The following RIT2 variants were observed in gnomAD, a reference collection of about 807,000 sequenced individuals.
The protein encoded by RIT2 is Ras like without CAAX 2, also known as GTP-binding protein Rit2.
In RIT2, 24 loss-of-function variants were observed where a neutral mutation model predicts 23.7. The ratio of observed to expected loss-of-function variants is 1.01; its 90% confidence interval spans 0.73 to 1.43. The LOEUF is 1.43. Among genes scored for constraint, RIT2 ranks in the 40% most tolerant of loss-of-function variants. The pLI is 0.00. For missense variants in RIT2, 236 were observed against 266.9 expected (o/e 0.88, Z 0.81); for synonymous variants, 107 against 91.1 (o/e 1.17, Z -0.99).
chr18:42,912,948 C>T (rs1188155484), intron 4 of RIT2, among the ~76,000 whole-genome samples: 1 of 151,410 alleles, frequency 6.6e-6, no homozygotes, highest in East Asian at 1.9e-4. Context: ...TTAAAATAGC[C>T]AAAATTGTTT....
intron 4 of RIT2, among the ~76,000 whole-genome samples, chr18:42,880,288 T>C (rs1315181224): frequency 6.6e-6 from 1 of 152,180 alleles, no homozygotes; most frequent in African/African-American, 2.4e-5. Flanking sequence ...AGAGCATAAA[T>C]CAATTTCTTT....
chr18:43,049,561 A>G (rs1912328150), intron 1 of RIT2, among the ~76,000 whole-genome samples: 1 of 152,150 alleles, frequency 6.6e-6, no homozygotes, highest in African/African-American at 2.4e-5. Context: ...AGGTAATTAC[A>G]TCATTGTGCA....
At chr18:42,842,473 G>A (rs562178512) in intron 4 of RIT2, among the ~76,000 whole-genome samples, 71 of 152,138 alleles carry the variant, frequency 4.7e-4, no homozygotes, top group African/African-American at 1.6e-3. Context: ...ATTTTTCTCA[G>A]TATAAGAAAG....
At chr18:43,043,240 C>T (rs1347591376) in intron 1 of RIT2, among the ~76,000 whole-genome samples, 2 of 152,060 alleles carry the variant, frequency 1.3e-5, no homozygotes, top group Non-Finnish European at 2.9e-5. Flanking sequence ...GAGAGCCATG[C>T]AGTAACTTGG....
chr18:42,907,433 G>C (rs552748819), intron 4 of RIT2, among the ~76,000 whole-genome samples: 1 of 152,238 alleles, frequency 6.6e-6, no homozygotes, highest in Non-Finnish European at 1.5e-5. Context: ...TGAAGGGGTT[G>C]AGCACAATGA....
chr18:42,856,018 ATTTGAC>A lies in RIT2; in HGVS notation c.426+67548_426+67553del, dbSNP rs368057866. ...AGCAGCCTCAGAAGTAAAAGTTTTT[ATTTGAC>A]TTTCTTCTGCCCTCCTGTTTCTCAG... On this transcript the variant is annotated intron_variant, in intron 4 of 4. Transcript: ENST00000326695. Among the ~76,000 whole-genome samples the A allele has an allele frequency of 2.7e-3, 414 of 152,268 alleles. 2 individuals are homozygous for A. The highest frequency in any genetic ancestry group is 9.1e-3 in the African/African-American group (378 of 41,556).
At position 43,107,038 on chromosome 18, in the gene RIT2, G is replaced by A. The variant is rs112879159; in HGVS notation, c.103+8379C>T. 5.3e-3 allele frequency among the ~76,000 whole-genome samples: 805 copies of A among 152,256 alleles called. 9 individuals are homozygous for A. Among genetic ancestry groups the A allele is most frequent in the African/African-American group, 0.018 (766 of 41,534 alleles). On this transcript the variant is annotated intron_variant, in intron 1 of 4. Coordinates refer to ENST00000326695, the MANE Select transcript of RIT2 (RefSeq NM_002930.4). ...TCTGTGAGCAGTACAGAGGACCACC[G>A]TCTGTCAATGTGTACAGTCGCAATC...
At chr18:42,781,404 C>T (rs1003291994) in intron 4 of RIT2, among the ~76,000 whole-genome samples, 2 of 152,128 alleles carry the variant, frequency 1.3e-5, no homozygotes, top group African/African-American at 4.8e-5. Context: ...GAAATTGGTG[C>T]TTTCTCTCAA....
At chr18:42,972,151 A>G (rs781498792) in intron 3 of RIT2, among the ~76,000 whole-genome samples, 9 of 151,900 alleles carry the variant, frequency 5.9e-5, no homozygotes, top group Non-Finnish European at 1.2e-4. Flanking sequence ...TAACCTACTC[A>G]ATGTTCTTCC....
At chr18:42,983,276 T>A (rs1179764187) in intron 2 of RIT2, among the ~76,000 whole-genome samples, 2 of 152,060 alleles carry the variant, frequency 1.3e-5, no homozygotes, top group Non-Finnish European at 2.9e-5. Context: ...TAAGCGTTTT[T>A]AACCAGTGGT....
At chr18:42,849,080 G>A (rs1906981721) in intron 4 of RIT2, among the ~76,000 whole-genome samples, 1 of 152,148 alleles carries the variant, frequency 6.6e-6, no homozygotes, top group Non-Finnish European at 1.5e-5. Context: ...TGAGGAAACA[G>A]ACCTAGTGAA....
chr18:42,879,073 C>T (rs1358068642), intron 4 of RIT2, among the ~76,000 whole-genome samples: 1 of 152,096 alleles, frequency 6.6e-6, no homozygotes, highest in East Asian at 1.9e-4. Context: ...TATTTAAATA[C>T]ATCAGGTATT....
At position 42,743,449 on chromosome 18, in the gene RIT2, A is replaced by G; in HGVS notation, c.*44T>C. Reference sequence around the variant, plus strand: ...AGAATGCTACATATGGAATTGTCCAACTAATAAAATTCAGAGAGCGTGAGG... The same window carrying G: ...AGAATGCTACATATGGAATTGTCCAGCTAATAAAATTCAGAGAGCGTGAGG... On this transcript the variant is annotated 3_prime_UTR_variant, in exon 5 of 5. Coordinates refer to ENST00000326695, the MANE Select transcript of RIT2 (RefSeq NM_002930.4). 7.4e-7 allele frequency: 1 copy of G among 1,352,056 alleles called. No homozygotes were observed. Among genetic ancestry groups the G allele is most frequent in the Non-Finnish European group, 1.1e-6 (1 of 946,292 alleles). The allele number at this position is 1,352,056 out of a possible 1,614,324, so 83.8% of individuals were successfully genotyped here. A position where few individuals can be genotyped will look rare whatever the true frequency, so the allele number is the denominator to read the frequency against.
chr18:42,907,260 G>A (rs1908647751), intron 4 of RIT2, among the ~76,000 whole-genome samples: 1 of 152,084 alleles, frequency 6.6e-6, no homozygotes, highest in African/African-American at 2.4e-5. Flanking sequence ...CACAAGAAAA[G>A]GGCACACCAA....
chr18:42,786,778 AC>A (rs1358418194), intron 4 of RIT2, among the ~76,000 whole-genome samples: 1 of 151,862 alleles, frequency 6.6e-6, no homozygotes, highest in Non-Finnish European at 1.5e-5. Flanking sequence ...CATCAGAAAA[AC>A]CCATCACCTT....
chr18:43,084,595 A>C (rs1047147752), intron 1 of RIT2, among the ~76,000 whole-genome samples: 1 of 152,202 alleles, frequency 6.6e-6, no homozygotes, highest in Admixed American at 6.5e-5. Context: ...AGATGGATGA[A>C]GCTGGAAACC....
At chr18:42,971,696 GCTTT>G (rs1910364299) in intron 3 of RIT2, among the ~76,000 whole-genome samples, 1 of 152,068 alleles carries the variant, frequency 6.6e-6, no homozygotes, top group African/African-American at 2.4e-5. Flanking sequence ...GGTAGACTGG[GCTTT>G]CTTTCTTTGG....
intron 2 of RIT2, among the ~76,000 whole-genome samples, chr18:42,989,071 G>A (rs1910780787): frequency 6.6e-6 from 1 of 152,188 alleles, no homozygotes; most frequent in Admixed American, 6.6e-5. Context: ...CTGACAGAGA[G>A]GGACATAATG....
At chr18:43,035,959 T>G (rs1006855611) in intron 1 of RIT2, among the ~76,000 whole-genome samples, 19 of 152,226 alleles carry the variant, frequency 1.2e-4, no homozygotes, top group African/African-American at 4.3e-4. Flanking sequence ...TACTCAAATG[T>G]CACACCATTC....
Sources: allele counts gnomAD v4.1 joint callset (sites outside exome capture counted in the v4.1 genomes callset), GRCh38; gene constraint gnomAD v4.1.1; transcripts MANE v1.5; gene names NCBI Gene and HGNC (gene_info 2026-07-23, HGNC 2026-07-21).